LLGL2: variants seen among roughly 807,000 people sequenced by gnomAD.
The protein encoded by LLGL2 is LLGL2, scribble cell polarity complex component.
LLGL2 carries 81 observed loss-of-function variants against 123.2 expected under a neutral mutation model. The observed-to-expected ratio is 0.66, with a 90% confidence interval of 0.55 to 0.79. The LOEUF is 0.79. Ranked by LOEUF, LLGL2 falls within the 30% of genes least tolerant of loss-of-function variation. The pLI is 0.00. For missense variants in LLGL2, 1,273 were observed against 1,414.6 expected, an observed-to-expected ratio of 0.90 and a Z score of 1.61; for synonymous variants, 577 against 594.1, an observed-to-expected ratio of 0.97 and a Z score of 0.42.
chr17:75,535,512 T>C (rs895941413), intron 1 of LLGL2, among the ~76,000 whole-genome samples: 1 of 152,222 alleles, frequency 6.6e-6, no homozygotes, highest in Non-Finnish European at 1.5e-5. Context: ...TCTTGAGGGC[T>C]GGCCCCTCCC....
chr17:75,568,892 G>C, intron 12 of LLGL2, 53 bp downstream of exon 12: 1 of 1,566,548 alleles, frequency 6.4e-7, no homozygotes, highest in Non-Finnish European at 8.7e-7. Context: ...TGTGGGGTGG[G>C]AGCAGAGCCC....
rs767783013 is a variant in LLGL2 at position 75,571,647 on chromosome 17, C to G, written c.2177-20C>G. ...ACTCCCACGCTAAGGGTCAGACACC[C>G]AAACATGGCTTCTCGGCAGGCTCCC... On this transcript the variant is annotated intron_variant, in intron 17 of 25. Coordinates refer to ENST00000392550, the MANE Select transcript of LLGL2 (RefSeq NM_001031803.2). 5.7e-6 allele frequency: 9 copies of G among 1,586,586 alleles called. No individual in the cohort carries two copies. The East Asian group carries it at 1.6e-4, about 28-fold the overall frequency.
At chr17:75,539,310 C>T (rs570111033) in intron 1 of LLGL2, among the ~76,000 whole-genome samples, 58 of 152,276 alleles carry the variant, frequency 3.8e-4, no homozygotes, top group African/African-American at 1.4e-3. Context: ...ATCCTCCCAC[C>T]GTAGCCTCCC....
At chr17:75,566,027 A>C (rs911575945) in intron 10 of LLGL2, among the ~76,000 whole-genome samples, 3 of 152,220 alleles carry the variant, frequency 2.0e-5, no homozygotes, top group Non-Finnish European at 2.9e-5. Context: ...GGTTTAGACA[A>C]GGGTTGGCAA....
At chr17:75,565,095 G>C (rs1234405557) in intron 10 of LLGL2, among the ~76,000 whole-genome samples, 1 of 152,156 alleles carries the variant, frequency 6.6e-6, no homozygotes, top group Non-Finnish European at 1.5e-5. Flanking sequence ...GGGCTGATCT[G>C]TACTGTTGGA....
chr17:75,559,373 G>C lies in LLGL2; in HGVS notation c.493G>C (p.Glu165Gln), dbSNP rs2055093297. 1 of 1,613,246 alleles carries C rather than the reference G, an allele frequency of 6.2e-7. No individual in the cohort carries two copies. The highest frequency in any genetic ancestry group is 1.7e-5 in the Admixed American group (1 of 59,928). Residue 165 changes from glutamate to glutamine, a missense_variant, in exon 6 of 26, where the codon GAG becomes CAG. By Grantham distance (29) the Glu-to-Gln change is conservative (BLOSUM62 2). Transcript: ENST00000392550. This position sits in a 1 kb window ranked among gnomAD's most constrained non-coding sequence, Gnocchi z 4.6. ...VVQLPAFRALEDRTISSDAVL... is the reference protein window; with the variant it reads ...VVQLPAFRALQDRTISSDAVL... ...GCAGCTGCCAGCTTTTCGTGCGCTG[G>C]AGGACCGGACCATCAGCTCGGACGC...
At chr17:75,543,623 T>C (rs981681133) in intron 2 of LLGL2, 122 bp downstream of exon 2, 10 of 633,000 alleles carry the variant, frequency 1.6e-5, no homozygotes, top group African/African-American at 1.5e-4. Flanking sequence ...GCAGTGCCTC[T>C]TGGGACTCAG....
rs184737336 is a variant in LLGL2, at chr17:75,568,372, T to A, written c.1037-104T>A. On this transcript the variant is annotated intron_variant, in intron 10 of 25. Transcript: ENST00000392550. ...GCTCAAGCAGCCAAGAACAGGGCTT[T>A]CTGGATCTGCAGATGCCCTGGCTCC... is the stretch of plus-strand genomic sequence containing the variant. The A allele has an allele frequency of 2.4e-5, 36 of 1,475,786 alleles. 1 individual carries two copies. The East Asian group carries it at 8.6e-4, about 35-fold the overall frequency. The allele number at this position is 1,475,786 out of a possible 1,614,324, so 91.4% of individuals were successfully genotyped here.
chr17:75,563,488 G>A (rs1161529040), intron 8 of LLGL2, 25 bp downstream of exon 8: 15 of 1,609,618 alleles, frequency 9.3e-6, no homozygotes, highest in South Asian at 2.2e-5. Context: ...CGCCGGGCAG[G>A]GCCCACCCCC....
intron 1 of LLGL2, among the ~76,000 whole-genome samples, chr17:75,530,764 T>C (rs2053756622): frequency 1.3e-5 from 2 of 152,070 alleles, no homozygotes; most frequent in South Asian, 4.1e-4. Flanking sequence ...TGAACTATGA[T>C]GGCGCCACTG....
intron 1 of LLGL2, among the ~76,000 whole-genome samples, chr17:75,527,246 G>A (rs2053606777): frequency 6.6e-6 from 1 of 152,004 alleles, no homozygotes. Flanking sequence ...AACTGTGCGA[G>A]AGATGTCTCA....
chr17:75,570,570 C>T lies in LLGL2; in HGVS notation c.2025+72C>T, dbSNP rs2055658078. 4 of 1,491,256 alleles carry T rather than the reference C, an allele frequency of 2.7e-6. No homozygotes were observed. In the Admixed American group the frequency reaches 8.3e-5, roughly 31 times the overall value. The allele number at this position is 1,491,256 out of a possible 1,614,324, so 92.4% of individuals were successfully genotyped here. ...CTCAGAGCAGCCAGCAGGGGGGCCA[C>T]ACGGCCCCTGCTCCCCAGGCTTGCT... On this transcript the variant is annotated intron_variant, in intron 16 of 25. Coordinates refer to ENST00000392550, the MANE Select transcript of LLGL2 (RefSeq NM_001031803.2).
chr17:75,528,715 G>A (rs573072292), intron 1 of LLGL2, among the ~76,000 whole-genome samples: 1 of 151,082 alleles, frequency 6.6e-6, no homozygotes, highest in South Asian at 2.1e-4. Context: ...TCCAGCCTGA[G>A]CAACAAGAGC....
rs147740967 is a variant in LLGL2, at chr17:75,558,231, G to A, written c.250G>A (p.Gly84Ser). The change falls in exon 4 of 26, where the codon GGC becomes AGC. Residue 84 changes from glycine (G) to serine (S), a missense_variant. Gly to Ser is a moderately conservative substitution (Grantham distance 56). Coordinates refer to ENST00000392550, the MANE Select transcript of LLGL2 (RefSeq NM_001031803.2). The surrounding 1 kb of genome is among the most constrained non-coding windows in gnomAD (Gnocchi z 4.0). ...NAVTQIHLLP[G>S]QCQLVTLLDD... The stretch of plus-strand genomic sequence containing the variant: ...TGTGACGCAGATCCACCTCCTGCCC[G>A]GCCAGGTGAGGGACCTGGGGTGGGA... 5.6e-5 allele frequency: 90 copies of A among 1,611,908 alleles called. No homozygotes were observed. Among genetic ancestry groups the A allele is most frequent in the African/African-American group, 2.8e-4 (21 of 75,026 alleles).
chr17:75,548,563 G>A (rs192647311), intron 2 of LLGL2, among the ~76,000 whole-genome samples: 5 of 152,150 alleles, frequency 3.3e-5, no homozygotes, highest in Admixed American at 1.3e-4. Flanking sequence ...AGTTTGGGAG[G>A]CTGAGGCAGG....
chr17:75,566,052 G>A (rs1348384624), intron 10 of LLGL2, among the ~76,000 whole-genome samples: 1 of 152,236 alleles, frequency 6.6e-6, no homozygotes, highest in African/African-American at 2.4e-5. Context: ...TCCCTGATAA[G>A]GGGACGTATT....
chr17:75,573,281 G>A lies in LLGL2; in HGVS notation c.2725+3G>A, dbSNP rs750849672. ...CGTCTTCACCAAATATGGCCAAGGT[G>A]TTTGAGCCGGGCTGGGTGGGTGTCG... On this transcript the variant is annotated splice_donor_region_variant and intron_variant, in intron 20 of 25. Coordinates refer to ENST00000392550, the MANE Select transcript of LLGL2 (RefSeq NM_001031803.2). 2 of 1,592,316 alleles carry A rather than the reference G, an allele frequency of 1.3e-6. No homozygotes were observed. The highest frequency in any genetic ancestry group is 1.1e-5 in the South Asian group (1 of 89,048).
chr17:75,562,975 G>C (rs778894877), intron 6 of LLGL2, 41 bp from the exon 7 acceptor site: 2 of 1,603,598 alleles, frequency 1.2e-6, no homozygotes, highest in Non-Finnish European at 1.7e-6. Context: ...CATTCCCCCT[G>C]GTGGACGGCA....
chr17:75,527,503 A>G (rs2053614509), intron 1 of LLGL2, among the ~76,000 whole-genome samples: 1 of 152,170 alleles, frequency 6.6e-6, no homozygotes, highest in South Asian at 2.1e-4. Context: ...TCAGATTAAT[A>G]TGCTTTTAAT....
Sources: allele counts gnomAD v4.1 joint callset (sites outside exome capture counted in the v4.1 genomes callset), GRCh38; gene constraint gnomAD v4.1.1; non-coding constraint Gnocchi (gnomAD v3.1); transcripts MANE v1.5; gene names NCBI Gene and HGNC (gene_info 2026-07-23, HGNC 2026-07-21).